Variants in KAZN observed in about 807,000 individuals in gnomAD.
KAZN encodes the protein kazrin.
A neutral mutation model predicts 87.4 loss-of-function variants in KAZN; 40 were observed. That is an observed-to-expected ratio of 0.46 (90% CI 0.36 to 0.60). The LOEUF (loss-of-function observed/expected upper bound fraction) is 0.60, where lower values mean the gene tolerates loss of function less well. KAZN is among the 20% of genes least tolerant of loss of function. The probability of loss-of-function intolerance (pLI) is 0.00; values close to 1 mark genes in which losing one functional copy is unlikely to be tolerated. For synonymous variants in KAZN, 466 were observed against 458.3 expected (o/e 1.02, Z -0.22); for missense variants, 898 against 1,073.9 (o/e 0.84, Z 2.29).
chr1:14,461,498 A>G (rs1667849851), intron 2 of KAZN, among the ~76,000 whole-genome samples: 1 of 152,202 alleles, frequency 6.6e-6, no homozygotes, highest in South Asian at 2.1e-4. Flanking sequence ...AGCCACATGG[A>G]ACTGTGAGTC....
chr1:14,173,482 CCA>C (rs1279762531), intron 1 of KAZN, among the ~76,000 whole-genome samples: 1 of 152,124 alleles, frequency 6.6e-6, no homozygotes, highest in Non-Finnish European at 1.5e-5. Flanking sequence ...ACCAGCTGCT[CCA>C]CAGTCCTACC....
chr1:14,587,234 G>A (rs1424515075), intron 2 of KAZN, among the ~76,000 whole-genome samples: 2 of 151,948 alleles, frequency 1.3e-5, no homozygotes, highest in East Asian at 1.9e-4. Context: ...TCAGGAGTTC[G>A]AGACCTGCCT....
chr1:14,777,937 C>CA (rs1019707897), intron 1 of KAZN, among the ~76,000 whole-genome samples: 12 of 152,048 alleles, frequency 7.9e-5, no homozygotes, highest in African/African-American at 2.9e-4. Flanking sequence ...TTATAATTAG[C>CA]ATATAATGAG....
intron 2 of KAZN, among the ~76,000 whole-genome samples, chr1:14,331,050 C>A (rs963232565): frequency 2.0e-5 from 3 of 152,142 alleles, no homozygotes; most frequent in African/African-American, 7.2e-5. Flanking sequence ...TTCCCAGACT[C>A]CCTTGCAGCT....
rs576780652 is a variant in KAZN, at chr1:14,555,000, C to T, written c.250-43983C>T. Reference sequence around the variant, plus strand: ...TTAGCTCCTTTTAGAGCTATGATTCCGAAGAACAAGTTAATGGTTACAGTT... The same window carrying T: ...TTAGCTCCTTTTAGAGCTATGATTCTGAAGAACAAGTTAATGGTTACAGTT... On this transcript the variant is annotated intron_variant, in intron 2 of 16. Coordinates refer to the KAZN transcript ENST00000636203. Among the ~76,000 whole-genome samples the T allele has an allele frequency of 5.9e-5, 9 of 152,250 alleles. No individual in the cohort carries two copies. In the East Asian group the frequency reaches 9.6e-4, roughly 16 times the overall value.
intron 2 of KAZN, among the ~76,000 whole-genome samples, chr1:14,407,733 G>A (rs957650272): frequency 4.3e-5 from 6 of 140,408 alleles, no homozygotes; most frequent in Admixed American, 1.4e-4. Flanking sequence ...AACAAATGAT[G>A]GACAAAAACA....
At chr1:14,951,113 C>G (rs1292827411) in intron 1 of KAZN, among the ~76,000 whole-genome samples, 2 of 152,142 alleles carry the variant, frequency 1.3e-5, no homozygotes, top group African/African-American at 4.8e-5. Context: ...GCTCAGAAAG[C>G]ATAACTGTTA....
At chr1:15,076,691 C>T (rs1472318475) in intron 8 of KAZN, among the ~76,000 whole-genome samples, 1 of 152,166 alleles carries the variant, frequency 6.6e-6, no homozygotes, top group Non-Finnish European at 1.5e-5. Flanking sequence ...AAAATGGGCC[C>T]CTGGGAATCT....
At chr1:14,201,244 C>T (rs1244492805) in intron 2 of KAZN, among the ~76,000 whole-genome samples, 1 of 152,204 alleles carries the variant, frequency 6.6e-6, no homozygotes, top group Admixed American at 6.5e-5. Context: ...TTTCCTCTTT[C>T]CTTTTCTTCT....
At chr1:14,551,603 C>T (rs1673525848) in intron 2 of KAZN, among the ~76,000 whole-genome samples, 1 of 152,130 alleles carries the variant, frequency 6.6e-6, no homozygotes, top group African/African-American at 2.4e-5. Context: ...GTGTTCGTTC[C>T]TTTCTAGGTC....
At chr1:14,836,065 C>T (rs534614640) in intron 1 of KAZN, among the ~76,000 whole-genome samples, 3 of 152,210 alleles carry the variant, frequency 2.0e-5, no homozygotes, top group Admixed American at 6.5e-5. Context: ...TGAGCCCCTC[C>T]GCCCCGCTAG....
intron 1 of KAZN, among the ~76,000 whole-genome samples, chr1:14,681,840 C>T (rs1408792207): frequency 1.3e-5 from 2 of 148,830 alleles, no homozygotes; most frequent in South Asian, 2.1e-4. Context: ...TACAGGCGCC[C>T]GCCACCACAC....
chr1:14,657,246 G>C (rs377081761), intron 1 of KAZN, among the ~76,000 whole-genome samples: 8 of 152,052 alleles, frequency 5.3e-5, no homozygotes, highest in African/African-American at 1.7e-4. Flanking sequence ...ACCACACCTG[G>C]CTAATCTTGT....
intron 2 of KAZN, among the ~76,000 whole-genome samples, chr1:14,277,134 AATAAT>A (rs1652423037): frequency 6.6e-6 from 1 of 152,194 alleles, no homozygotes. Flanking sequence ...AAGTAGAGAA[AATAAT>A]ATAAAGAACG....
intron 5 of KAZN, among the ~76,000 whole-genome samples, chr1:15,059,013 C>A (rs376428654): frequency 6.6e-6 from 1 of 151,808 alleles, no homozygotes; most frequent in Non-Finnish European, 1.5e-5. Flanking sequence ...CAGAGCAAGA[C>A]CCTGTCTCAA....
intron 1 of KAZN, among the ~76,000 whole-genome samples, chr1:13,945,384 G>A (rs373495298): frequency 8.6e-5 from 13 of 151,500 alleles, no homozygotes; most frequent in African/African-American, 3.2e-4. Context: ...TGAGGCAGGA[G>A]AATCACTTGA....
chr1:14,230,460 G>T (rs1647710924), intron 2 of KAZN, among the ~76,000 whole-genome samples: 2 of 152,146 alleles, frequency 1.3e-5, no homozygotes. Flanking sequence ...ATTTGGAGAT[G>T]AAAAAATCTG....
At chr1:15,101,510 C>G (rs1641068566) in intron 10 of KAZN, 33 bp from the exon 11 acceptor site, 1 of 1,460,106 alleles carries the variant, frequency 6.8e-7, no homozygotes, top group African/African-American at 1.4e-5. Context: ...CCTTTCCCCA[C>G]CCATCCACTC....
intron 2 of KAZN, among the ~76,000 whole-genome samples, chr1:14,499,645 A>G (rs1670136076): frequency 6.6e-6 from 1 of 152,246 alleles, no homozygotes; most frequent in Admixed American, 6.5e-5. Flanking sequence ...AGGCAGGTGT[A>G]GACAGGACAG....
Sources: gnomAD v4.1 joint callset for allele counts (sites outside exome capture counted in the v4.1 genomes callset) on GRCh38, gnomAD v4.1.1 for gene constraint, MANE v1.5 for transcripts, NCBI Gene and HGNC (gene_info 2026-07-23, HGNC 2026-07-21) for gene names.